XRCC4: variants seen among roughly 807,000 people sequenced by gnomAD.
XRCC4 encodes X-ray repair cross complementing 4, also known as DNA repair protein XRCC4.
XRCC4 carries 28 observed loss-of-function variants against 39.1 expected under a neutral mutation model. The ratio of observed to expected loss-of-function variants is 0.72; its 90% CI spans 0.53 to 0.98. The LOEUF (loss-of-function observed/expected upper bound fraction) is 0.98, where lower values mean the gene tolerates loss of function less well. Ranked by LOEUF, XRCC4 falls within the 50% of genes least tolerant of loss-of-function variation. XRCC4 has a pLI of 0.00. For synonymous variants in XRCC4, 123 were observed against 126.4 expected (o/e 0.97, Z 0.18); for missense variants, 350 against 376.4 (o/e 0.93, Z 0.58).
intron 7 of XRCC4, among the ~76,000 whole-genome samples, chr5:83,348,116 A>G (rs190608349): frequency 7.4e-4 from 113 of 152,292 alleles, no homozygotes; most frequent in African/African-American, 2.6e-3. Context: ...GGCTGCTTTC[A>G]TAGGCTGGTA....
intron 3 of XRCC4, among the ~76,000 whole-genome samples, chr5:83,140,584 A>G (rs1487225611): frequency 6.6e-6 from 1 of 152,236 alleles, no homozygotes; most frequent in Non-Finnish European, 1.5e-5. Context: ...TCTTCAATCA[A>G]GTTGACACGT....
At chr5:83,368,609 A>G in the XRCC4 span, among the ~76,000 whole-genome samples, 1 of 152,188 alleles carries the variant, frequency 6.6e-6, no homozygotes, top group South Asian at 2.1e-4. Flanking sequence ...CCCCTGGTGC[A>G]AGGCACTATT....
At chr5:83,285,876 C>G (rs1368552883) in intron 7 of XRCC4, among the ~76,000 whole-genome samples, 1 of 152,126 alleles carries the variant, frequency 6.6e-6, no homozygotes, top group Non-Finnish European at 1.5e-5. Flanking sequence ...TCACTTCACC[C>G]TCCTGGAATG....
At chr5:83,334,534 C>G (rs1756532694) in intron 7 of XRCC4, among the ~76,000 whole-genome samples, 1 of 151,850 alleles carries the variant, frequency 6.6e-6, no homozygotes, top group African/African-American at 2.4e-5. Flanking sequence ...AATGATCAAA[C>G]TATTATGTAG....
intron 7 of XRCC4, among the ~76,000 whole-genome samples, chr5:83,308,932 T>C (rs1755583727): frequency 6.6e-6 from 1 of 152,028 alleles, no homozygotes; most frequent in Admixed American, 6.6e-5. Flanking sequence ...GAGAACCATA[T>C]TTTTCATTTA....
intron 7 of XRCC4, among the ~76,000 whole-genome samples, chr5:83,341,325 C>A (rs1756752085): frequency 6.6e-6 from 1 of 152,124 alleles, no homozygotes; most frequent in Non-Finnish European, 1.5e-5. Context: ...TGAGCACATA[C>A]ACACACATAC....
chr5:83,260,498 T>TA (rs1367804054), intron 7 of XRCC4, among the ~76,000 whole-genome samples: 2 of 151,986 alleles, frequency 1.3e-5, no homozygotes, highest in Admixed American at 6.6e-5. Flanking sequence ...AAGAAGGAAA[T>TA]ATTGGTTTTA....
the XRCC4 span, among the ~76,000 whole-genome samples, chr5:83,364,445 A>AT: frequency 6.6e-5 from 10 of 152,160 alleles, no homozygotes; most frequent in Non-Finnish European, 1.3e-4. Context: ...ACTAAAAAAA[A>AT]ATCTTTTATG....
At chr5:83,103,189 A>G (rs1037441757) in intron 1 of XRCC4, among the ~76,000 whole-genome samples, 4 of 151,712 alleles carry the variant, frequency 2.6e-5, no homozygotes, top group African/African-American at 9.7e-5. Flanking sequence ...TGTTCAGATA[A>G]TCATTGTTTT....
At chr5:83,252,175 G>T (rs1043513300) in intron 6 of XRCC4, among the ~76,000 whole-genome samples, 3 of 152,120 alleles carry the variant, frequency 2.0e-5, no homozygotes, top group Admixed American at 1.3e-4. Flanking sequence ...GCATTGGTTG[G>T]TTGTTTTCTC....
At chr5:83,287,095 A>C (rs529104778) in intron 7 of XRCC4, among the ~76,000 whole-genome samples, 25 of 152,146 alleles carry the variant, frequency 1.6e-4, no homozygotes, top group Admixed American at 9.8e-4. Context: ...CCTCAGTATA[A>C]TGACACAGAG....
At chr5:83,114,237 G>C (rs980796609) in intron 3 of XRCC4, among the ~76,000 whole-genome samples, 2 of 152,132 alleles carry the variant, frequency 1.3e-5, no homozygotes, top group African/African-American at 4.8e-5. Flanking sequence ...GACATGCCTC[G>C]GAGACATTTC....
intron 1 of XRCC4, among the ~76,000 whole-genome samples, chr5:83,086,863 G>T (rs2112298600): frequency 6.6e-6 from 1 of 152,056 alleles, no homozygotes; most frequent in Middle Eastern, 3.4e-3. Context: ...AAATCCCTTA[G>T]ATATTAAATC....
At chr5:83,227,172 A>G (rs1468243114) in intron 6 of XRCC4, among the ~76,000 whole-genome samples, 2 of 152,020 alleles carry the variant, frequency 1.3e-5, no homozygotes, top group African/African-American at 2.4e-5. Flanking sequence ...TAAATCAGTT[A>G]GGGATGTATT....
At chr5:83,119,300 T>G (rs1420170799) in intron 3 of XRCC4, among the ~76,000 whole-genome samples, 3 of 152,180 alleles carry the variant, frequency 2.0e-5, no homozygotes, top group Non-Finnish European at 4.4e-5. Flanking sequence ...GTTGCAGATG[T>G]GTTGTTTGAA....
intron 7 of XRCC4, among the ~76,000 whole-genome samples, chr5:83,291,074 A>G (rs1754905928): frequency 6.6e-6 from 1 of 152,082 alleles, no homozygotes; most frequent in South Asian, 2.1e-4. Context: ...AAACATTTAC[A>G]TATGTAAATA....
At chr5:83,344,290 G>T (rs1339777180) in intron 7 of XRCC4, among the ~76,000 whole-genome samples, 1 of 151,830 alleles carries the variant, frequency 6.6e-6, no homozygotes, top group East Asian at 1.9e-4. Context: ...AGGCTGGAGT[G>T]CAATGGCATG....
chr5:83,166,189 A>G lies in XRCC4; in HGVS notation c.316-29581A>G, dbSNP rs186258901. On this transcript the variant is annotated intron_variant, in intron 3 of 7. Coordinates refer to ENST00000396027, the MANE Select transcript of XRCC4 (RefSeq NM_003401.5). The stretch of plus-strand genomic sequence containing the variant: ...GGTGTGAGCCACCACACCCGGCCAC[A>G]TTTTTCTTATCCATTATATCATTGA... 1.1e-3 allele frequency among the ~76,000 whole-genome samples: 168 copies of G among 151,606 alleles called. 4 individuals carry two copies. Among genetic ancestry groups the G allele is most frequent in the Admixed American group, 0.011 (167 of 15,252 alleles).
chr5:83,204,849 C>T lies in XRCC4; in HGVS notation c.673C>T (p.Arg225Ter), dbSNP rs768825050. The T allele has an allele frequency of 2.4e-5, 39 of 1,611,664 alleles. No individual in the cohort carries two copies. Among genetic ancestry groups the T allele is most frequent in the Admixed American group, 3.3e-5 (2 of 59,952 alleles). The change falls in exon 6 of 8, where the codon CGA becomes TGA. Residue 225 changes from arginine to a stop codon, truncating the protein, a stop_gained. Coordinates refer to ENST00000396027, the MANE Select transcript of XRCC4 (RefSeq NM_003401.5). LOFTEE classifies it high-confidence loss of function. Reference sequence around the variant, plus strand: ...AATCTGTTCTGAAATGACTGCTGACCGAGATCCAGTCTATGATGAGAGTAC... The same window carrying T: ...AATCTGTTCTGAAATGACTGCTGACTGAGATCCAGTCTATGATGAGAGTAC... ...TAICSEMTAD[R>*]DPVYDESTDE...
Sources: allele counts gnomAD v4.1 joint callset (sites outside exome capture counted in the v4.1 genomes callset), GRCh38; gene constraint gnomAD v4.1.1; transcripts MANE v1.5; gene names NCBI Gene and HGNC (gene_info 2026-07-23, HGNC 2026-07-21).